Variants in SPTB observed in about 807,000 individuals in gnomAD.
SPTB encodes spectrin beta, erythrocytic.
Under a neutral mutation model 256.2 loss-of-function variants are expected in SPTB, and 45 were observed. The observed-to-expected ratio is 0.18, with a 90% confidence interval of 0.14 to 0.23. The LOEUF (loss-of-function observed/expected upper bound fraction) is 0.23. Among genes scored for constraint, SPTB ranks in the 10% least tolerant of loss-of-function variants. SPTB has a pLI of 1.00. For missense variants in SPTB, 2,715 were observed against 3,040.4 expected (o/e 0.89, Z 2.52); for synonymous variants, 1,231 against 1,243.1 (o/e 0.99, Z 0.21).
chr14:64,819,790 G>T (rs530562118), intron 2 of SPTB, among the ~76,000 whole-genome samples: 12 of 152,082 alleles, frequency 7.9e-5, no homozygotes, highest in Admixed American at 2.0e-4. Flanking sequence ...GTCTGAAGTT[G>T]GGAAAAGAGA....
At chr14:64,761,157 G>A (rs944316562) in intron 32 of SPTB, among the ~76,000 whole-genome samples, 6 of 152,316 alleles carry the variant, frequency 3.9e-5, no homozygotes, top group Admixed American at 2.0e-4. Context: ...GACTCTGGCC[G>A]CCAAGAAGTG....
intron 2 of SPTB, among the ~76,000 whole-genome samples, chr14:64,818,489 C>T (rs1463606309): frequency 6.6e-6 from 1 of 152,148 alleles, no homozygotes; most frequent in Non-Finnish European, 1.5e-5. Context: ...TGTGGGGTTC[C>T]TCCACTCCCT....
intron 4 of SPTB, among the ~76,000 whole-genome samples, 163 bp downstream of exon 4, chr14:64,803,444 G>A (rs1335070102): frequency 6.6e-6 from 1 of 152,184 alleles, no homozygotes; most frequent in Non-Finnish European, 1.5e-5. Flanking sequence ...GGGTGATACA[G>A]AAGATGGTTA....
chr14:64,771,876 G>A (rs766095805), intron 26 of SPTB, among the ~76,000 whole-genome samples: 2 of 152,194 alleles, frequency 1.3e-5, no homozygotes, highest in Non-Finnish European at 2.9e-5. Context: ...GGGCTGGCCT[G>A]GGATTGCGCA....
At chr14:64,819,913 C>T (rs940731869) in intron 2 of SPTB, among the ~76,000 whole-genome samples, 1 of 152,148 alleles carries the variant, frequency 6.6e-6, no homozygotes, top group Non-Finnish European at 1.5e-5. Flanking sequence ...TTGCTCTTCA[C>T]AACAACCTTG....
At position 64,792,509 on chromosome 14, in the gene SPTB, T is replaced by A. The variant is rs1048154116; in HGVS notation, c.2666+488A>T. ...GCTGCACAGACTGGGGCATGCCTCA[T>A]CATCTGGGGTGCTGACAAAATCAGA... On this transcript the variant is annotated intron_variant, in intron 14 of 35. Coordinates refer to ENST00000644917, the MANE Select transcript of SPTB (RefSeq NM_001355436.2). This position sits in a 1 kb window ranked among gnomAD's most constrained non-coding sequence, Gnocchi z 4.2. Among the ~76,000 whole-genome samples the A allele has an allele frequency of 1.3e-5, 2 of 152,132 alleles. No homozygotes were observed. Among genetic ancestry groups the A allele is most frequent in the African/African-American group, 4.8e-5 (2 of 41,436 alleles).
chr14:64,829,690 T>C (rs1046356429), intron 1 of SPTB, among the ~76,000 whole-genome samples: 1 of 152,240 alleles, frequency 6.6e-6, no homozygotes, highest in Non-Finnish European at 1.5e-5. Flanking sequence ...TCTACTTTTA[T>C]ACACGCTTGA....
At chr14:64,761,818 TAGAG>T (rs565891095) in intron 32 of SPTB, among the ~76,000 whole-genome samples, 10 of 151,994 alleles carry the variant, frequency 6.6e-5, no homozygotes, top group South Asian at 2.1e-4. Context: ...TTTGAAAGAT[TAGAG>T]AGAGTTAGAA....
chr14:64,860,855 A>G (rs1242360634), intron 1 of SPTB, among the ~76,000 whole-genome samples: 1 of 152,182 alleles, frequency 6.6e-6, no homozygotes, highest in African/African-American at 2.4e-5. Flanking sequence ...TGATCCAGCA[A>G]TCTCATTACT....
Position 64,759,896 on chromosome 14 carries a change from G to GGTGA in SPTB, c.6346-6104_6346-6103insTCAC, listed in dbSNP as rs2082068605. On this transcript the variant is annotated intron_variant, in intron 32 of 35. Coordinates refer to ENST00000644917, the MANE Select transcript of SPTB (RefSeq NM_001355436.2). This position sits in a 1 kb window ranked among gnomAD's most constrained non-coding sequence, Gnocchi z 4.8. Reference sequence around the variant, plus strand: ...TAAATGGAGGTGAAGGAGAATTGCAGAGTGGGCTGAATAAGGGAAGGCACT... The same window carrying GGTGA: ...TAAATGGAGGTGAAGGAGAATTGCAGGTGAAGTGGGCTGAATAAGGGAAGGCACT... Among the ~76,000 whole-genome samples, 1 of 152,232 alleles carries GGTGA rather than the reference G, an allele frequency of 6.6e-6. No individual in the cohort carries two copies. Among genetic ancestry groups the GGTGA allele is most frequent in the South Asian group, 2.1e-4 (1 of 4,832 alleles).
intron 23 of SPTB, 27 bp from the exon 24 acceptor site, chr14:64,774,554 A>G (rs1380695198): frequency 6.4e-7 from 1 of 1,551,770 alleles, no homozygotes; most frequent in South Asian, 1.2e-5. Context: ...GGTCAGCGCC[A>G]GAGCTCAGTC....
chr14:64,796,224 C>T lies in SPTB; in HGVS notation c.1341+333G>A, dbSNP rs951666524. ...CAGAGTCCAAAAGGCATGCCTGACA[C>T]AGACAAGGTGCAGTCTGTGATTTTA... is the stretch of plus-strand genomic sequence containing the variant. On this transcript the variant is annotated intron_variant, in intron 11 of 35. Coordinates refer to ENST00000644917, the MANE Select transcript of SPTB (RefSeq NM_001355436.2). This position sits in a 1 kb window ranked among gnomAD's most constrained non-coding sequence, Gnocchi z 4.1. Among the ~76,000 whole-genome samples the T allele has an allele frequency of 5.3e-5, 8 of 152,168 alleles. No homozygotes were observed. Among genetic ancestry groups the T allele is most frequent in the African/African-American group, 1.9e-4 (8 of 41,428 alleles).
At position 64,801,892 on chromosome 14, in the gene SPTB, G is replaced by C. The variant is rs1384352350; in HGVS notation, c.567-58C>G. 5 of 1,525,692 alleles carry C rather than the reference G, an allele frequency of 3.3e-6. No homozygotes were observed. The African/African-American group carries it at 6.8e-5, about 21-fold the overall frequency. The allele number at this position is 1,525,692 out of a possible 1,614,324, so 94.5% of individuals were successfully genotyped here. A position where few individuals can be genotyped will look rare whatever the true frequency, so the allele number is the denominator to read the frequency against. The stretch of plus-strand genomic sequence containing the variant: ...TTAGATTTTTTGTAGTCCCAAACAA[G>C]TGTACAAATTGAGGGCCAATATACC... On this transcript the variant is annotated intron_variant, in intron 5 of 35. Transcript: ENST00000644917.
Position 64,847,118 on chromosome 14 carries a change from T to C in SPTB, c.-51-23973A>G, listed in dbSNP as rs755920826. On this transcript the variant is annotated intron_variant, in intron 1 of 35. Coordinates refer to ENST00000644917, the MANE Select transcript of SPTB (RefSeq NM_001355436.2). The surrounding 1 kb of genome is among the most constrained non-coding windows in gnomAD (Gnocchi z 5.9). ...GGGTGTGATTTCCTCAGTTGTTCACTGGCATAGAAGCCTCAAGCCCAGTCG... is the reference window on the plus strand; with the variant it reads ...GGGTGTGATTTCCTCAGTTGTTCACCGGCATAGAAGCCTCAAGCCCAGTCG... 1.3e-5 allele frequency among the ~76,000 whole-genome samples: 2 copies of C among 152,230 alleles called. No homozygotes were observed. The highest frequency in any genetic ancestry group is 2.9e-5 in the Non-Finnish European group (2 of 68,026).
At chr14:64,797,467 C>CA (rs57385615) in intron 10 of SPTB, among the ~76,000 whole-genome samples, 2,051 of 31,014 alleles carry the variant, frequency 0.066, 593 homozygotes, top group Non-Finnish European at 0.095. Context: ...ACCCTGTCTC[C>CA]AAAAAAAAAA....
rs894799703 is a variant in SPTB at position 64,772,536 on chromosome 14, T to C, written c.5553+44A>G. On this transcript the variant is annotated intron_variant, in intron 26 of 35. Transcript: ENST00000644917. This position sits in a 1 kb window ranked among gnomAD's most constrained non-coding sequence, Gnocchi z 5.4. ...CCAGGTGGGGACTGACACCCAGGGCTCCTGGAAATTGGTAGCAGGTGGGCG... is the reference window on the plus strand; with the variant it reads ...CCAGGTGGGGACTGACACCCAGGGCCCCTGGAAATTGGTAGCAGGTGGGCG... 1 of 1,597,148 alleles carries C rather than the reference T, an allele frequency of 6.3e-7. No individual in the cohort carries two copies. The highest frequency in any genetic ancestry group is 1.3e-5 in the African/African-American group (1 of 74,952).
intron 1 of SPTB, among the ~76,000 whole-genome samples, chr14:64,868,190 T>C (rs1882306974): frequency 6.6e-6 from 1 of 151,970 alleles, no homozygotes; most frequent in South Asian, 2.1e-4. Context: ...GTTAGAAAGG[T>C]AGAGACTGAA....
intron 33 of SPTB, 73 bp from the exon 34 acceptor site, chr14:64,750,227 C>A: frequency 6.8e-7 from 1 of 1,479,552 alleles, no homozygotes; most frequent in Admixed American, 2.2e-5. Context: ...TATAGCTTCA[C>A]CATTAAAAAA....
chr14:64,804,071 T>C (rs1004400159), intron 3 of SPTB, among the ~76,000 whole-genome samples: 1 of 152,170 alleles, frequency 6.6e-6, no homozygotes, highest in Non-Finnish European at 1.5e-5. Flanking sequence ...TAACATAACA[T>C]ATGGTTAATT....
Sources: gnomAD v4.1 joint callset for allele counts (sites outside exome capture counted in the v4.1 genomes callset) on GRCh38, gnomAD v4.1.1 for gene constraint, Gnocchi (gnomAD v3.1) non-coding constraint, MANE v1.5 for transcripts, NCBI Gene and HGNC (gene_info 2026-07-23, HGNC 2026-07-21) for gene names.